Variants in CUX1 observed in about 807,000 individuals in gnomAD.
The protein encoded by CUX1 is protein CASP.
Under a neutral mutation model 158.8 loss-of-function variants are expected in CUX1, and 31 were observed. That is an observed-to-expected ratio of 0.20 (90% CI 0.15 to 0.26). The LOEUF (loss-of-function observed/expected upper bound fraction) is 0.26, where lower values mean the gene tolerates loss of function less well. CUX1 is among the 10% of genes least tolerant of loss of function. The pLI is 1.00. For missense variants in CUX1, 1,589 were observed against 2,014.6 expected, an observed-to-expected ratio of 0.79 and a Z score of 4.04; for synonymous variants, 879 against 862.1, an observed-to-expected ratio of 1.02 and a Z score of -0.34.
intron 2 of CUX1, chr7:101,959,558 G>A (rs1259121197): frequency 1.6e-4 from 25 of 152,122 alleles, no homozygotes; most frequent in Admixed American, 1.6e-3. Context: ...CAGGAAAGCC[G>A]CCTTCCGCTT....
At chr7:102,275,382 TGATGCTCCTTGGGCCCAAG>T in intron 17 of CUX1, 2 of 1,573,386 alleles carry the variant, frequency 1.3e-6, no homozygotes, top group Non-Finnish European at 1.7e-6. Context: ...CTTCTCTCCC[TGATGCTCCTTGGGCCCAAG>T]GACACAGTTG....
At chr7:102,160,177 T>TA (rs35453197) in intron 9 of CUX1, among the ~76,000 whole-genome samples, 9,315 of 136,748 alleles carry the variant, frequency 0.068, 390 homozygotes, top group Middle Eastern at 0.12. Context: ...AGAATCTGTC[T>TA]AAAAAAAAAA....
Position 102,249,205 on chromosome 7 carries a change from G to A in CUX1, c.*163G>A, listed in dbSNP as rs1279911444. 12 of 1,114,830 alleles carry A rather than the reference G, an allele frequency of 1.1e-5. No individual in the cohort carries two copies. Among genetic ancestry groups the A allele is most frequent in the Non-Finnish European group, 1.3e-5 (12 of 912,108 alleles). The allele number at this position is 1,114,830 out of a possible 1,614,324, so 69.1% of individuals were successfully genotyped here. On this transcript the variant is annotated 3_prime_UTR_variant, in exon 24 of 24. Coordinates refer to ENST00000292535, the MANE Select transcript of CUX1 (RefSeq NM_181552.4). The stretch of plus-strand genomic sequence containing the variant: ...AGCCCAGACCCCCTCCACGGTCCGC[G>A]GCCTGCACCGACCCGAGGCCCAGAT...
intron 4 of CUX1, among the ~76,000 whole-genome samples, chr7:102,091,733 G>A (rs1272183056): frequency 6.6e-6 from 1 of 152,184 alleles, no homozygotes; most frequent in African/African-American, 2.4e-5. Flanking sequence ...ACCATTGTGT[G>A]GGTTGAAGTA....
intron 3 of CUX1, among the ~76,000 whole-genome samples, chr7:102,070,047 G>A (rs1000527724): frequency 2.0e-5 from 3 of 152,188 alleles, no homozygotes; most frequent in African/African-American, 4.8e-5. Context: ...AGCATTTGGA[G>A]AAGACAAAAG....
intron 2 of CUX1, among the ~76,000 whole-genome samples, chr7:101,936,780 G>A (rs1041392892): frequency 6.6e-6 from 1 of 152,164 alleles, no homozygotes; most frequent in Non-Finnish European, 1.5e-5. Context: ...ACGTGGGACC[G>A]GCTAGGTGGA....
intron 2 of CUX1, among the ~76,000 whole-genome samples, chr7:101,967,019 A>AT (rs1174263151): frequency 1.9e-4 from 28 of 150,592 alleles, no homozygotes; most frequent in Non-Finnish European, 3.1e-4. Context: ...ATTTTATTTT[A>AT]TTTTATTTTG....
rs182629870 is a variant in CUX1 at position 102,250,961 on chromosome 7, G to A, written c.*1919G>A. ...CTTTAAACTAACAATAGATGATTTC[G>A]GTATATATATATATTTTTTTTTGCT... is the stretch of plus-strand genomic sequence containing the variant. On this transcript the variant is annotated 3_prime_UTR_variant, in exon 24 of 24. Coordinates refer to ENST00000292535, the MANE Select transcript of CUX1 (RefSeq NM_181552.4). 3.9e-5 allele frequency: 37 copies of A among 959,642 alleles called. No homozygotes were observed. The East Asian group carries it at 4.6e-4, about 12-fold the overall frequency. The allele number at this position is 959,642 out of a possible 1,614,324, so 59.4% of individuals were successfully genotyped here. A position where few individuals can be genotyped will look rare whatever the true frequency, so the allele number is the denominator to read the frequency against.
At chr7:102,156,376 G>T (rs982180448) in intron 8 of CUX1, among the ~76,000 whole-genome samples, 1 of 152,172 alleles carries the variant, frequency 6.6e-6, no homozygotes, top group Admixed American at 6.5e-5. Flanking sequence ...TACGGATAGG[G>T]TCAAAGGGGA....
chr7:101,976,362 TCCC>T (rs1812678023), intron 2 of CUX1, among the ~76,000 whole-genome samples: 1 of 152,212 alleles, frequency 6.6e-6, no homozygotes, highest in Non-Finnish European at 1.5e-5. Context: ...TAGCTCATTT[TCCC>T]AATGCAATAT....
chr7:102,129,760 A>G (rs576697086), intron 8 of CUX1, among the ~76,000 whole-genome samples: 82 of 152,294 alleles, frequency 5.4e-4, no homozygotes, highest in African/African-American at 1.9e-3. Context: ...GCAAGATCCA[A>G]GTTTTAAAGT....
intron 20 of CUX1, among the ~76,000 whole-genome samples, chr7:102,218,936 C>G (rs1797513820): frequency 1.3e-5 from 2 of 151,652 alleles, no homozygotes; most frequent in African/African-American, 4.8e-5. Context: ...GCCTGTCGTT[C>G]CAGCTACTCA....
Position 102,197,335 on chromosome 7 carries a change from G to A in CUX1, c.1894+30G>A, listed in dbSNP as rs145737882. The A allele has an allele frequency of 2.9e-5, 47 of 1,599,210 alleles. No individual in the cohort carries two copies. The African/African-American group carries it at 4.7e-4, about 16-fold the overall frequency. ...GAGACTGGCGTTGGGTGGCGCCAGC[G>A]TGCGAGCCCGTCACAGAGTTGCACA... On this transcript the variant is annotated intron_variant, in intron 15 of 23. Coordinates refer to ENST00000292535, the MANE Select transcript of CUX1 (RefSeq NM_181552.4).
At chr7:101,831,005 G>C (rs962312331) in intron 1 of CUX1, among the ~76,000 whole-genome samples, 1 of 152,106 alleles carries the variant, frequency 6.6e-6, no homozygotes, top group Non-Finnish European at 1.5e-5. Flanking sequence ...AATGGATCCT[G>C]TTCAAGCCCC....
At chr7:102,262,738 A>T (rs1790496702), downstream of CUX1, among the ~76,000 whole-genome samples, 1 of 152,144 alleles carries the variant, frequency 6.6e-6, no homozygotes, top group South Asian at 2.1e-4. Flanking sequence ...AGCCTGGGAG[A>T]CCCTGCAGCT....
chr7:102,143,493 G>T lies in CUX1; in HGVS notation c.675-15067G>T, dbSNP rs571622548. ...TCACCATGTTGCCCAGGCTGGTCTC[G>T]AATTCCTGGGCTCAAGCGATCCTCC... On this transcript the variant is annotated intron_variant, in intron 8 of 23. Transcript: ENST00000292535. Among the ~76,000 whole-genome samples, 3 of 152,220 alleles carry T rather than the reference G, an allele frequency of 2.0e-5. No individual in the cohort carries two copies. The South Asian group carries it at 6.2e-4, about 32-fold the overall frequency.
chr7:102,039,981 C>T (rs1378704503), intron 3 of CUX1, among the ~76,000 whole-genome samples: 2 of 152,100 alleles, frequency 1.3e-5, no homozygotes, highest in African/African-American at 4.8e-5. Context: ...TGGCCACGTT[C>T]AGAGCTGCAT....
Position 102,196,836 on chromosome 7 carries a change from A to C in CUX1, c.1425A>C (p.Thr475=). The C allele has an allele frequency of 1.2e-6, 2 of 1,614,200 alleles. No homozygotes were observed. Among genetic ancestry groups the C allele is most frequent in the South Asian group, 2.2e-5 (2 of 91,084 alleles). The stretch of plus-strand genomic sequence containing the variant: ...GCCCCAGCCTACCCCTGGCTTCTAC[A>C]GGAAAATTTGCACTAAACTCTCTTC... The part of the protein sequence containing the change: ...LASPSLPLAS[T]GKFALNSLLQ... The change falls in exon 15 of 24, where the codon ACA becomes ACC. Residue 475 remains threonine (T), a synonymous_variant. Transcript: ENST00000292535.
intron 4 of CUX1, among the ~76,000 whole-genome samples, chr7:102,076,633 C>A (rs901440466): frequency 9.9e-5 from 15 of 152,126 alleles, no homozygotes; most frequent in East Asian, 5.8e-4. Context: ...CCACACCACA[C>A]CCCCAGGGCA....
Sources: gnomAD v4.1 joint callset for allele counts (sites outside exome capture counted in the v4.1 genomes callset) on GRCh38, gnomAD v4.1.1 for gene constraint, MANE v1.5 for transcripts, NCBI Gene and HGNC (gene_info 2026-07-23, HGNC 2026-07-21) for gene names.